The following FGD4 variants were observed in gnomAD, a reference collection of about 807,000 sequenced individuals.
The protein encoded by FGD4 is FYVE, RhoGEF and PH domain-containing protein 4.
In FGD4, 42 loss-of-function variants were observed where a neutral mutation model predicts 102.0. The ratio of observed to expected loss-of-function variants is 0.41; its 90% CI spans 0.32 to 0.53. The LOEUF (loss-of-function observed/expected upper bound fraction) is 0.53. Ranked by LOEUF, FGD4 falls within the 20% of genes least tolerant of loss-of-function variation. FGD4 has a pLI of 0.21. For synonymous variants in FGD4, 380 were observed against 375.7 expected (o/e 1.01, Z -0.13); for missense variants, 902 against 1,078.2 (o/e 0.84, Z 2.29).
intron 1 of FGD4, among the ~76,000 whole-genome samples, chr12:32,551,597 T>G (rs770665631): frequency 1.3e-5 from 2 of 152,312 alleles, no homozygotes; most frequent in Non-Finnish European, 1.5e-5. Flanking sequence ...TTTAGATTGC[T>G]GTAGAACTGT....
intron 1 of FGD4, among the ~76,000 whole-genome samples, chr12:32,455,915 G>A (rs1234875632): frequency 6.6e-6 from 1 of 152,086 alleles, no homozygotes; most frequent in East Asian, 1.9e-4. Flanking sequence ...TACTTAAAAA[G>A]CAAAAGGAAT....
intron 1 of FGD4, among the ~76,000 whole-genome samples, chr12:32,413,443 C>A (rs775052525): frequency 6.6e-6 from 1 of 152,024 alleles, no homozygotes; most frequent in Non-Finnish European, 1.5e-5. Context: ...TAATGACTTA[C>A]CAGTATGTTA....
intron 1 of FGD4, among the ~76,000 whole-genome samples, chr12:32,529,542 T>C (rs1298681057): frequency 6.6e-6 from 1 of 152,034 alleles, no homozygotes; most frequent in African/African-American, 2.4e-5. Flanking sequence ...TTGTACATAA[T>C]TTATTAAAGC....
chr12:32,427,540 T>C (rs1401474821), intron 1 of FGD4, among the ~76,000 whole-genome samples: 2 of 152,176 alleles, frequency 1.3e-5, no homozygotes, highest in African/African-American at 4.8e-5. Flanking sequence ...ATGTATATTC[T>C]GTTGATTTGG....
intron 1 of FGD4, among the ~76,000 whole-genome samples, chr12:32,530,295 C>A (rs527294775): frequency 7.2e-5 from 11 of 152,168 alleles, no homozygotes; most frequent in African/African-American, 2.6e-4. Flanking sequence ...CCAGACTGGC[C>A]AACATGGTGA....
intron 3 of FGD4, among the ~76,000 whole-genome samples, chr12:32,579,395 T>A (rs17538775): frequency 0.023 from 3,518 of 152,158 alleles, 128 homozygotes; most frequent in African/African-American, 0.081. Flanking sequence ...TTTCTCCTTA[T>A]GGTTTGGCAT....
rs1452635500 is a variant in FGD4, at chr12:32,644,621, A to G, written c.*4088A>G. 6.6e-6 allele frequency: 1 copy of G among 152,190 alleles called. No homozygotes were observed. The highest frequency in any genetic ancestry group is 1.5e-5 in the Non-Finnish European group (1 of 68,024). 9.4% of individuals were successfully genotyped at this position (152,190 alleles called of 1,614,324 possible). ...AGGGCAGAGAGGAATAAGATAAGAAACTGAAACAAGCAAGAATGAAGAGAG... is the reference window on the plus strand; with the variant it reads ...AGGGCAGAGAGGAATAAGATAAGAAGCTGAAACAAGCAAGAATGAAGAGAG... On this transcript the variant is annotated 3_prime_UTR_variant, in exon 17 of 17. Coordinates refer to ENST00000534526, the MANE Select transcript of FGD4 (RefSeq NM_001370298.3).
chr12:32,638,029 T>C (rs561755774), intron 15 of FGD4, among the ~76,000 whole-genome samples: 1 of 152,336 alleles, frequency 6.6e-6, no homozygotes, highest in South Asian at 2.1e-4. Context: ...GCTTTTATAT[T>C]CTTTCTTAAT....
intron 11 of FGD4, among the ~76,000 whole-genome samples, chr12:32,622,225 G>T (rs562476176): frequency 3.3e-5 from 5 of 152,274 alleles, no homozygotes; most frequent in Non-Finnish European, 5.9e-5. Context: ...ATTGCAGAAA[G>T]AATGAAGGCG....
intron 14 of FGD4, among the ~76,000 whole-genome samples, chr12:32,626,470 G>A (rs1010874923): frequency 1.3e-5 from 2 of 150,028 alleles, no homozygotes; most frequent in Non-Finnish European, 3.0e-5. Flanking sequence ...AAAAAAGGGG[G>A]TTGAGAAAGA....
In FGD4 at chr12:32,572,041, T is replaced by C. The variant is rs372015503; in HGVS notation, c.320-4225T>C. On this transcript the variant is annotated intron_variant, in intron 2 of 16. Coordinates refer to ENST00000534526, the MANE Select transcript of FGD4 (RefSeq NM_001370298.3). ...GATTGCACCAGTGCACTCCAGCCTGTGTGACAGAGCAAGACCATCTGTGTG... is the reference window on the plus strand; with the variant it reads ...GATTGCACCAGTGCACTCCAGCCTGCGTGACAGAGCAAGACCATCTGTGTG... Among the ~76,000 whole-genome samples, 59 of 152,138 alleles carry C rather than the reference T, an allele frequency of 3.9e-4. No individual in the cohort carries two copies. In the East Asian group the frequency reaches 7.0e-3, roughly 18 times the overall value.
At chr12:32,556,300 T>C (rs1944116166) in intron 1 of FGD4, among the ~76,000 whole-genome samples, 1 of 152,190 alleles carries the variant, frequency 6.6e-6, no homozygotes, top group Admixed American at 6.5e-5. Flanking sequence ...TTTGCCATCA[T>C]AGCCATTTTT....
chr12:32,633,706 A>G lies in FGD4; in HGVS notation c.2313+17A>G, dbSNP rs1158908786. 2 of 1,577,264 alleles carry G rather than the reference A, an allele frequency of 1.3e-6. No homozygotes were observed. The highest frequency in any genetic ancestry group is 1.3e-5 in the African/African-American group (1 of 74,112). ...ATTTTAGAGGTAAGAAATATTAAAT[A>G]TTGGATATCTTTTAGATTATTTTTT... On this transcript the variant is annotated intron_variant, in intron 15 of 16. Coordinates refer to ENST00000534526, the MANE Select transcript of FGD4 (RefSeq NM_001370298.3).
Position 32,464,395 on chromosome 12 carries a change from C to T in FGD4, c.166+64436C>T, listed in dbSNP as rs545958015. ...CTCGAACTCCTGAGCTCCAGCAATC[C>T]GCCCACCTCGGTCTCCCAAAGTGCT... On this transcript the variant is annotated intron_variant, in intron 1 of 16. Coordinates refer to ENST00000534526, the MANE Select transcript of FGD4 (RefSeq NM_001370298.3). 2.8e-3 allele frequency among the ~76,000 whole-genome samples: 422 copies of T among 148,212 alleles called. 2 individuals are homozygous for T. The highest frequency in any genetic ancestry group is 1.0e-2 in the African/African-American group (409 of 40,966).
intron 4 of FGD4, among the ~76,000 whole-genome samples, chr12:32,592,388 T>G (rs566050152): frequency 1.3e-5 from 2 of 152,116 alleles, no homozygotes. Flanking sequence ...TAATCATAAA[T>G]TATGTTGAAA....
chr12:32,576,151 GC>G, intron 2 of FGD4, 114 bp from the exon 3 acceptor site: 4 of 1,056,854 alleles, frequency 3.8e-6, no homozygotes, highest in South Asian at 1.5e-5. Context: ...TTTGACACCT[GC>G]CCCCTTTACA....
chr12:32,512,222 G>A (rs996359039), intron 1 of FGD4, among the ~76,000 whole-genome samples: 3 of 151,938 alleles, frequency 2.0e-5, no homozygotes, highest in Non-Finnish European at 4.4e-5. Flanking sequence ...TGAGGCTGGC[G>A]GATCATCTGA....
intron 4 of FGD4, among the ~76,000 whole-genome samples, chr12:32,591,068 TATTC>T (rs1947436040): frequency 6.6e-6 from 1 of 152,208 alleles, no homozygotes; most frequent in South Asian, 2.1e-4. Flanking sequence ...CAAAATCAAA[TATTC>T]ATTCCCTAAG....
At chr12:32,413,604 C>G (rs1941291505) in intron 1 of FGD4, among the ~76,000 whole-genome samples, 1 of 152,190 alleles carries the variant, frequency 6.6e-6, no homozygotes, top group African/African-American at 2.4e-5. Context: ...TTTGTGCCCT[C>G]AAGGTCATCT....
Sources: allele counts gnomAD v4.1 joint callset (sites outside exome capture counted in the v4.1 genomes callset), GRCh38; gene constraint gnomAD v4.1.1; transcripts MANE v1.5; gene names NCBI Gene and HGNC (gene_info 2026-07-23, HGNC 2026-07-21).